Variants in ARHGAP26 observed in about 807,000 individuals in gnomAD.
ARHGAP26 encodes Rho GTPase activating protein 26.
Under a neutral mutation model 104.8 loss-of-function variants are expected in ARHGAP26, and 38 were observed. That is an observed-to-expected ratio of 0.36 (90% CI 0.28 to 0.48). The LOEUF is 0.48. ARHGAP26 is among the 20% of genes least tolerant of loss of function. ARHGAP26 has a pLI of 0.99. For missense variants in ARHGAP26, 704 were observed against 947.9 expected (o/e 0.74, Z 3.38); for synonymous variants, 341 against 340.0 (o/e 1.00, Z -0.03).
At chr5:143,088,510 A>G (rs147794688) in intron 17 of ARHGAP26, among the ~76,000 whole-genome samples, 63 of 152,334 alleles carry the variant, frequency 4.1e-4, no homozygotes, top group African/African-American at 1.4e-3. Context: ...TTTTCAAGGT[A>G]AGGACCTCCT....
At chr5:142,979,622 T>A (rs1773629144) in intron 11 of ARHGAP26, among the ~76,000 whole-genome samples, 1 of 152,244 alleles carries the variant, frequency 6.6e-6, no homozygotes, top group Admixed American at 6.5e-5. Context: ...TTTTTCAAAT[T>A]TCTTCCATAC....
At chr5:143,039,296 C>T (rs1783099250) in intron 13 of ARHGAP26, among the ~76,000 whole-genome samples, 2 of 152,006 alleles carry the variant, frequency 1.3e-5, no homozygotes. Context: ...CAACCTTGGC[C>T]TCACAGGTTC....
At chr5:142,843,385 G>A (rs1227033369) in intron 1 of ARHGAP26, among the ~76,000 whole-genome samples, 1 of 152,170 alleles carries the variant, frequency 6.6e-6, no homozygotes, top group Non-Finnish European at 1.5e-5. Context: ...ACTAATGTAG[G>A]GTTCATCCAC....
intron 18 of ARHGAP26, among the ~76,000 whole-genome samples, chr5:143,130,723 C>T (rs1464988013): frequency 6.6e-6 from 1 of 152,194 alleles, no homozygotes; most frequent in Non-Finnish European, 1.5e-5. Flanking sequence ...AAACCCGTGG[C>T]CAGACAGTCA....
intron 8 of ARHGAP26, among the ~76,000 whole-genome samples, chr5:142,904,657 G>A (rs1038905681): frequency 1.3e-5 from 2 of 152,220 alleles, no homozygotes; most frequent in East Asian, 3.9e-4. Flanking sequence ...GAAAGGCTCT[G>A]TGATGGGGCC....
intron 20 of ARHGAP26, among the ~76,000 whole-genome samples, chr5:143,200,736 A>G (rs1042350350): frequency 3.3e-5 from 5 of 152,260 alleles, no homozygotes; most frequent in African/African-American, 9.6e-5. Flanking sequence ...TTTCATTATT[A>G]GAATTTTGAA....
chr5:143,221,605 C>T (rs1402075290), intron 22 of ARHGAP26, among the ~76,000 whole-genome samples: 3 of 152,116 alleles, frequency 2.0e-5, no homozygotes, highest in Non-Finnish European at 1.5e-5. Flanking sequence ...CCTCGACCTG[C>T]TGAGCCCAAG....
intron 17 of ARHGAP26, among the ~76,000 whole-genome samples, chr5:143,079,827 C>T (rs1172882616): frequency 2.0e-5 from 3 of 152,142 alleles, no homozygotes; most frequent in Admixed American, 6.5e-5. Flanking sequence ...AGAAGCTTTG[C>T]AGGGCCTAGG....
chr5:143,055,740 CACTG>C, intron 15 of ARHGAP26, among the ~76,000 whole-genome samples: 1 of 152,320 alleles, frequency 6.6e-6, no homozygotes, highest in Admixed American at 6.5e-5. Flanking sequence ...ATAGATGAGT[CACTG>C]ACTGAAAAGG....
chr5:142,798,633 G>A (rs1761456123), intron 1 of ARHGAP26, among the ~76,000 whole-genome samples: 1 of 152,224 alleles, frequency 6.6e-6, no homozygotes, highest in Non-Finnish European at 1.5e-5. Flanking sequence ...GATGGTGCAA[G>A]TACACTTTGT....
At chr5:142,794,611 A>T (rs752893486) in intron 1 of ARHGAP26, among the ~76,000 whole-genome samples, 1 of 152,188 alleles carries the variant, frequency 6.6e-6, no homozygotes, top group Non-Finnish European at 1.5e-5. Context: ...CACCACCAGG[A>T]TTGGGCAGAC....
At chr5:143,013,233 G>A (rs1042591509) in intron 11 of ARHGAP26, among the ~76,000 whole-genome samples, 1 of 152,034 alleles carries the variant, frequency 6.6e-6, no homozygotes, top group African/African-American at 2.4e-5. Flanking sequence ...AATATTATTA[G>A]TTTTTAAATT....
chr5:142,956,541 C>T (rs966415916), intron 11 of ARHGAP26, among the ~76,000 whole-genome samples: 20 of 152,178 alleles, frequency 1.3e-4, no homozygotes, highest in Admixed American at 4.6e-4. Context: ...TGCACCACTC[C>T]ATTCCAGCCT....
At chr5:142,872,141 C>G (rs1470094144) in intron 1 of ARHGAP26, among the ~76,000 whole-genome samples, 3 of 152,084 alleles carry the variant, frequency 2.0e-5, no homozygotes, top group Non-Finnish European at 1.5e-5. Flanking sequence ...CCACCGCCCC[C>G]CACATTTATT....
chr5:142,971,226 G>A (rs1772220071), intron 11 of ARHGAP26, among the ~76,000 whole-genome samples: 2 of 152,182 alleles, frequency 1.3e-5, no homozygotes, highest in Admixed American at 1.3e-4. Context: ...ATTTGTAAGG[G>A]ACTATGCTTG....
chr5:142,944,347 T>C (rs1286607973), intron 11 of ARHGAP26, among the ~76,000 whole-genome samples: 1 of 152,262 alleles, frequency 6.6e-6, no homozygotes, highest in Non-Finnish European at 1.5e-5. Context: ...TTGGAAATCC[T>C]TGTATGAACT....
chr5:143,190,389 G>A (rs924178782), intron 20 of ARHGAP26, among the ~76,000 whole-genome samples: 1 of 152,164 alleles, frequency 6.6e-6, no homozygotes, highest in African/African-American at 2.4e-5. Flanking sequence ...CTTGCAGTTT[G>A]CCTGAGTAGC....
intron 2 of ARHGAP26, 116 bp downstream of exon 2, chr5:142,873,611 C>T: frequency 1.5e-6 from 1 of 662,604 alleles, no homozygotes; most frequent in East Asian, 3.4e-5. Flanking sequence ...ACAAAGAAGT[C>T]CTTAGTGGAA....
At chr5:142,932,905 C>T (rs936265496) in intron 11 of ARHGAP26, among the ~76,000 whole-genome samples, 35 of 152,208 alleles carry the variant, frequency 2.3e-4, no homozygotes, top group Non-Finnish European at 1.5e-4. Context: ...TACCTTTCTA[C>T]TCAGCCATAT....
Sources: allele counts gnomAD v4.1 joint callset (sites outside exome capture counted in the v4.1 genomes callset), GRCh38; gene constraint gnomAD v4.1.1; transcripts MANE v1.5; gene names NCBI Gene and HGNC (gene_info 2026-07-23, HGNC 2026-07-21).